Variants in TCF4 observed in about 807,000 individuals in gnomAD.
The protein encoded by TCF4 is SL3-3 enhancer factor 2.
Under a neutral mutation model 82.1 loss-of-function variants are expected in TCF4, and 3 were observed. The ratio of observed to expected loss-of-function variants is 0.04; its 90% CI spans 0.02 to 0.09. The LOEUF is 0.09. TCF4 is among the 10% of genes least tolerant of loss of function. TCF4 has a pLI of 1.00. For synonymous variants in TCF4, 276 were observed against 309.6 expected (o/e 0.89, Z 1.14); for missense variants, 518 against 852.7 (o/e 0.61, Z 4.89).
At chr18:55,293,931 C>CTTTTTTTTTTTTTTTTTTTTTTTTTT (rs781150808) in intron 8 of TCF4, among the ~76,000 whole-genome samples, 2 of 40,032 alleles carry the variant, frequency 5.0e-5, no homozygotes, top group Non-Finnish European at 1.0e-4. Flanking sequence ...TTTCCAAGGA[C>CTTTTTTTTTTTTTTTTTTTTTTTTTT]TTTTTTTTTT....
chr18:55,388,274 TG>T (rs34279457), intron 6 of TCF4, among the ~76,000 whole-genome samples: 1 of 152,018 alleles, frequency 6.6e-6, no homozygotes, highest in Non-Finnish European at 1.5e-5. Flanking sequence ...GAATGAAACT[TG>T]GGGGATGAGA....
intron 3 of TCF4, among the ~76,000 whole-genome samples, chr18:55,499,552 T>G (rs2096674126): frequency 6.6e-6 from 1 of 152,208 alleles, no homozygotes. Context: ...TGACTGTACA[T>G]TAGAATCAAC....
chr18:55,437,801 T>A (rs779392051), intron 5 of TCF4, among the ~76,000 whole-genome samples: 1 of 152,192 alleles, frequency 6.6e-6, no homozygotes, highest in Non-Finnish European at 1.5e-5. Context: ...TTATTTCTCA[T>A]GGGGTTCAGG....
chr18:55,626,980 C>CA (rs1487720525), intron 2 of TCF4, among the ~76,000 whole-genome samples: 1 of 152,070 alleles, frequency 6.6e-6, no homozygotes, highest in Non-Finnish European at 1.5e-5. Flanking sequence ...AAAGCTTGAA[C>CA]AAAAAATATA....
At chr18:55,473,848 C>G (rs2096237374) in intron 3 of TCF4, among the ~76,000 whole-genome samples, 1 of 152,028 alleles carries the variant, frequency 6.6e-6, no homozygotes, top group African/African-American at 2.4e-5. Context: ...GGAAAAAGGC[C>G]CTTTACTTCT....
At chr18:55,261,190 G>T in intron 12 of TCF4, 1 of 426,674 alleles carries the variant, frequency 2.3e-6, no homozygotes, top group Non-Finnish European at 4.3e-6. Context: ...TAAGACATCA[G>T]TATAAAAAAC....
intron 5 of TCF4, among the ~76,000 whole-genome samples, chr18:55,434,762 T>TTGTGTGTGTGTGTGTGTGTG (rs1433335330): frequency 9.4e-5 from 2 of 21,322 alleles, no homozygotes; most frequent in African/African-American, 2.5e-4. Context: ...TCTCAAGTAT[T>TTGTGTGTGTGTGTGTGTGTG]CGTGTGTGTG....
At chr18:55,509,378 A>C (rs73479299) in intron 3 of TCF4, among the ~76,000 whole-genome samples, 305 of 152,184 alleles carry the variant, frequency 2.0e-3, no homozygotes, top group African/African-American at 7.2e-3. Flanking sequence ...CCACCACCAC[A>C]TACTCAGTTA....
chr18:55,382,176 G>A (rs899161919), intron 6 of TCF4, among the ~76,000 whole-genome samples: 1 of 152,002 alleles, frequency 6.6e-6, no homozygotes, highest in Non-Finnish European at 1.5e-5. Flanking sequence ...TCCTTCCTCA[G>A]TGGGCATTAA....
intron 8 of TCF4, among the ~76,000 whole-genome samples, chr18:55,344,324 T>G (rs923031135): frequency 6.6e-6 from 1 of 152,208 alleles, no homozygotes; most frequent in African/African-American, 2.4e-5. Flanking sequence ...TCAAGGCATT[T>G]ATCTACATTA....
chr18:55,531,288 C>G (rs184774038), intron 3 of TCF4, among the ~76,000 whole-genome samples: 3 of 152,190 alleles, frequency 2.0e-5, no homozygotes, highest in African/African-American at 4.8e-5. Context: ...TCTCGTAACA[C>G]TCATTATGCT....
At chr18:55,521,241 A>G (rs1326287886) in intron 3 of TCF4, among the ~76,000 whole-genome samples, 2 of 152,228 alleles carry the variant, frequency 1.3e-5, no homozygotes, top group Non-Finnish European at 2.9e-5. Context: ...AAGTAGGAGT[A>G]TTTTTAGCAT....
chr18:55,413,301 T>C (rs2146744601), intron 5 of TCF4, among the ~76,000 whole-genome samples: 1 of 152,272 alleles, frequency 6.6e-6, no homozygotes, highest in East Asian at 1.9e-4. Context: ...TGAATACAAT[T>C]GACCTATATC....
At chr18:55,302,469 A>G (rs923414113) in intron 8 of TCF4, 3 of 1,536,194 alleles carry the variant, frequency 2.0e-6, no homozygotes, top group South Asian at 2.4e-5. Context: ...GAGCATCTGC[A>G]TTGTTTAAAT....
intron 6 of TCF4, among the ~76,000 whole-genome samples, chr18:55,362,435 A>AAGGAAGGAAGGAAGG (rs1569192661): frequency 2.5e-5 from 3 of 122,332 alleles, no homozygotes; most frequent in African/African-American, 1.0e-4. Flanking sequence ...GGAAGGAAGG[A>AAGGAAGGAAGGAAGG]AAAAAAAAAA....
At chr18:55,447,576 G>A (rs939313818) in intron 5 of TCF4, among the ~76,000 whole-genome samples, 1 of 152,126 alleles carries the variant, frequency 6.6e-6, no homozygotes, top group African/African-American at 2.4e-5. Flanking sequence ...ACTCATTTGA[G>A]TATTGAAGTT....
intron 6 of TCF4, among the ~76,000 whole-genome samples, chr18:55,361,663 C>CT (rs1374977394): frequency 6.6e-6 from 1 of 152,212 alleles, no homozygotes; most frequent in East Asian, 1.9e-4. Context: ...CTTCAGGCCA[C>CT]TCCCTATCAC....
At chr18:55,491,716 C>T (rs895039499) in intron 3 of TCF4, among the ~76,000 whole-genome samples, 7 of 152,266 alleles carry the variant, frequency 4.6e-5, no homozygotes, top group Admixed American at 1.3e-4. Context: ...TAATGGGCTC[C>T]GTTTACACCT....
chr18:55,241,408 T>C (rs148387853), intron 15 of TCF4, among the ~76,000 whole-genome samples: 19 of 152,368 alleles, frequency 1.2e-4, no homozygotes, highest in South Asian at 6.2e-4. Context: ...AGTAAGTAGA[T>C]GGTATGGAAC....
Sources: allele counts gnomAD v4.1 joint callset (sites outside exome capture counted in the v4.1 genomes callset), GRCh38; gene constraint gnomAD v4.1.1; transcripts MANE v1.5; gene names NCBI Gene and HGNC (gene_info 2026-07-23, HGNC 2026-07-21).